The following TRHDE variants were observed in gnomAD, a reference collection of about 807,000 sequenced individuals.
The protein encoded by TRHDE is thyrotropin releasing hormone degrading enzyme.
Under a neutral mutation model 125.7 loss-of-function variants are expected in TRHDE, and 72 were observed. The ratio of observed to expected loss-of-function variants is 0.57; its 90% CI spans 0.47 to 0.70. TRHDE has a LOEUF of 0.70. TRHDE is among the 30% of genes least tolerant of loss of function. The probability of loss-of-function intolerance (pLI) is 0.00; values close to 1 mark genes in which losing one functional copy is unlikely to be tolerated. For missense variants in TRHDE, 1,110 were observed against 1,327.1 expected, an observed-to-expected ratio of 0.84 and a Z score of 2.54; for synonymous variants, 509 against 509.1, an observed-to-expected ratio of 1.00 and a Z score of 0.00.
rs372663842 is a variant in TRHDE, at chr12:72,302,010, AT to A, written c.1188+15061del. 1.2e-4 allele frequency among the ~76,000 whole-genome samples: 18 copies of A among 152,216 alleles called. No homozygotes were observed. The East Asian group carries it at 2.7e-3, about 23-fold the overall frequency. The stretch of plus-strand genomic sequence containing the variant: ...AAGTGTTGCAAAATTTGTAGTGTTT[AT>A]TTTTCCTGTGATTACCAACTTGTGC... On this transcript the variant is annotated intron_variant, in intron 2 of 18. Coordinates refer to ENST00000261180, the MANE Select transcript of TRHDE (RefSeq NM_013381.3).
At chr12:72,561,513 A>T (rs1870176613) in intron 7 of TRHDE, among the ~76,000 whole-genome samples, 1 of 152,220 alleles carries the variant, frequency 6.6e-6, no homozygotes, top group Admixed American at 6.5e-5. Context: ...AATCGGATAG[A>T]AAGTGTATAG....
intron 1 of TRHDE, among the ~76,000 whole-genome samples, chr12:72,283,948 A>C (rs1187877152): frequency 7.1e-6 from 1 of 140,602 alleles, no homozygotes; most frequent in Non-Finnish European, 1.5e-5. Flanking sequence ...ATTAGACTGC[A>C]AAGGCCTTAA....
intron 3 of TRHDE, among the ~76,000 whole-genome samples, chr12:72,384,110 A>T (rs1872312638): frequency 6.6e-6 from 1 of 152,208 alleles, no homozygotes; most frequent in Admixed American, 6.5e-5. Context: ...TTAATTAGGC[A>T]TCAGATAAAA....
chr12:72,669,323 C>T lies in TRHDE; in HGVS notation c.*6128C>T, dbSNP rs1323857838. ...TAGAAGTATACATGGACTGCAATTG[C>T]TTAATTTACTTAAACTTAACATTTT... On this transcript the variant is annotated 3_prime_UTR_variant, in exon 19 of 19. Coordinates refer to ENST00000261180, the MANE Select transcript of TRHDE (RefSeq NM_013381.3). 2.0e-5 allele frequency: 3 copies of T among 151,746 alleles called. No individual in the cohort carries two copies. The highest frequency in any genetic ancestry group is 7.3e-5 in the African/African-American group (3 of 41,366). 9.4% of individuals were successfully genotyped at this position (151,746 alleles called of 1,614,324 possible).
intron 7 of TRHDE, among the ~76,000 whole-genome samples, chr12:72,544,639 A>G (rs1390526117): frequency 6.6e-6 from 1 of 151,092 alleles, no homozygotes. Flanking sequence ...CATAGGAACA[A>G]TGTCTTAATG....
At chr12:72,266,369 G>T (rs1879069716) in intron 2 of TRHDE, among the ~76,000 whole-genome samples, 1 of 151,790 alleles carries the variant, frequency 6.6e-6, no homozygotes, top group African/African-American at 2.4e-5. Context: ...CATTGAAGAG[G>T]TAGATTCCTA....
intron 2 of TRHDE, among the ~76,000 whole-genome samples, chr12:72,153,789 A>G (rs955482863): frequency 1.4e-4 from 21 of 152,066 alleles, no homozygotes; most frequent in African/African-American, 5.1e-4. Context: ...CTTCTTTCAC[A>G]TTTGCTGAGG....
At chr12:72,412,686 C>T (rs1196687491) in intron 3 of TRHDE, among the ~76,000 whole-genome samples, 1 of 152,014 alleles carries the variant, frequency 6.6e-6, no homozygotes, top group Admixed American at 6.6e-5. Context: ...TAGAATGCTA[C>T]AGTCACATAA....
intron 10 of TRHDE, among the ~76,000 whole-genome samples, chr12:72,568,879 GA>G (rs1176017385): frequency 6.6e-6 from 1 of 152,036 alleles, no homozygotes; most frequent in Non-Finnish European, 1.5e-5. Flanking sequence ...ATGGTAAAGA[GA>G]AAACTTAAAA....
intron 2 of TRHDE, among the ~76,000 whole-genome samples, chr12:72,371,783 A>G (rs966134400): frequency 2.4e-4 from 36 of 151,978 alleles, no homozygotes; most frequent in Non-Finnish European, 3.5e-4. Context: ...TCTTAATCCA[A>G]TCTATCATTG....
At chr12:72,661,936 A>G (rs1874934579) in intron 18 of TRHDE, among the ~76,000 whole-genome samples, 1 of 152,202 alleles carries the variant, frequency 6.6e-6, no homozygotes, top group Non-Finnish European at 1.5e-5. Flanking sequence ...AGGGCTTTGT[A>G]GGAAAGCAGA....
intron 2 of TRHDE, among the ~76,000 whole-genome samples, 181 bp from the exon 3 acceptor site, chr12:72,377,805 GTTACTTCAA>G (rs1207650725): frequency 1.3e-5 from 2 of 152,014 alleles, no homozygotes; most frequent in Non-Finnish European, 2.9e-5. Flanking sequence ...GCTCTCCTTG[GTTACTTCAA>G]TTACTTCAAT....
At position 72,473,190 on chromosome 12, in the gene TRHDE, C is replaced by T; in HGVS notation, c.1584+10C>T. Reference sequence around the variant, plus strand: ...TCCTGGCTGGAACATGGTAAGTGCACTTGAATTATTTGAAACTTTTAGTAA... The same window carrying T: ...TCCTGGCTGGAACATGGTAAGTGCATTTGAATTATTTGAAACTTTTAGTAA... On this transcript the variant is annotated intron_variant, in intron 5 of 18. Coordinates refer to ENST00000261180, the MANE Select transcript of TRHDE (RefSeq NM_013381.3). The T allele has an allele frequency of 1.9e-6, 3 of 1,604,174 alleles. No individual in the cohort carries two copies. Among genetic ancestry groups the T allele is most frequent in the South Asian group, 2.2e-5 (2 of 90,822 alleles).
rs556449123 is a variant in TRHDE, at chr12:72,106,698, A to T, written n.279+946A>T. Among the ~76,000 whole-genome samples, 15 of 152,272 alleles carry T rather than the reference A, an allele frequency of 9.9e-5. 2 individuals carry two copies. In the South Asian group the frequency reaches 2.7e-3, roughly 27 times the overall value. ...AATCCGATATAGTGGATATTGCCACATTGTAAAAGCATTGATAATTTACTT... is the reference window on the plus strand; with the variant it reads ...AATCCGATATAGTGGATATTGCCACTTTGTAAAAGCATTGATAATTTACTT... On this transcript the variant is annotated intron_variant and non_coding_transcript_variant, in intron 2 of 4. Coordinates refer to the TRHDE transcript ENST00000548156.
intron 2 of TRHDE, among the ~76,000 whole-genome samples, chr12:72,366,467 G>A (rs1218785291): frequency 2.0e-5 from 3 of 152,026 alleles, no homozygotes; most frequent in Admixed American, 6.6e-5. Flanking sequence ...TTATAGCAGC[G>A]TTTTAGTACT....
intron 2 of TRHDE, chr12:72,255,067 A>G (rs1191170493): frequency 3.9e-5 from 6 of 152,340 alleles, no homozygotes; most frequent in Non-Finnish European, 8.8e-5. Flanking sequence ...AATGACTTGC[A>G]CAATGCCAAA....
intron 3 of TRHDE, among the ~76,000 whole-genome samples, chr12:72,405,604 G>A (rs538266574): frequency 6.6e-6 from 1 of 152,236 alleles, no homozygotes; most frequent in South Asian, 2.1e-4. Context: ...TGTTCTCCAA[G>A]TGCTTGGACC....
chr12:72,496,891 G>C (rs111942671), intron 5 of TRHDE, among the ~76,000 whole-genome samples: 2 of 152,040 alleles, frequency 1.3e-5, no homozygotes, highest in South Asian at 2.1e-4. Flanking sequence ...AGTGACACAG[G>C]TCTTTATAAA....
intron 2 of TRHDE, among the ~76,000 whole-genome samples, chr12:72,184,027 G>A (rs1013578602): frequency 6.6e-6 from 1 of 152,088 alleles, no homozygotes; most frequent in African/African-American, 2.4e-5. Flanking sequence ...CAAATGTTTA[G>A]GAACCACCCA....
Sources: allele counts gnomAD v4.1 joint callset (sites outside exome capture counted in the v4.1 genomes callset), GRCh38; gene constraint gnomAD v4.1.1; transcripts MANE v1.5; gene names NCBI Gene and HGNC (gene_info 2026-07-23, HGNC 2026-07-21).